The following GORASP1 variants were observed in gnomAD, a reference collection of about 807,000 sequenced individuals.
The protein encoded by GORASP1 is golgi reassembly stacking protein 1.
Under a neutral mutation model 37.7 loss-of-function variants are expected in GORASP1, and 31 were observed. The observed-to-expected ratio is 0.82, with a 90% CI of 0.62 to 1.11. GORASP1 has a LOEUF of 1.11. Among genes scored for constraint, GORASP1 ranks in the 50% least tolerant of loss-of-function variants. The pLI, the probability that GORASP1 is intolerant of heterozygous loss-of-function variation, is 0.00. For synonymous variants in GORASP1, 204 were observed against 224.8 expected (o/e 0.91, Z 0.83); for missense variants, 476 against 560.7 (o/e 0.85, Z 1.53).
chr3:39,104,850 C>A (rs958041855), intron 1 of GORASP1, among the ~76,000 whole-genome samples: 1 of 152,216 alleles, frequency 6.6e-6, no homozygotes, highest in African/African-American at 2.4e-5. Flanking sequence ...TCCCAGGCCC[C>A]GCTGCAGGGG....
rs199528910 is a variant in GORASP1 at position 39,101,415 on chromosome 3, C to T, written c.349-313G>A. The T allele has an allele frequency of 1.1e-4, 62 of 550,184 alleles. No homozygotes were observed. In the East Asian group the frequency reaches 2.6e-3, roughly 23 times the overall value. The allele number at this position is 550,184 out of a possible 1,614,324, so 34.1% of individuals were successfully genotyped here. A position where few individuals can be genotyped will look rare whatever the true frequency, so the allele number is the denominator to read the frequency against. ...AACACATTATTGAACCTCTCCTAGC[C>T]TCAGTTTCCCCACAATTAAAAGTAA... is the stretch of plus-strand genomic sequence containing the variant. On this transcript the variant is annotated intron_variant, in intron 3 of 8. Coordinates refer to ENST00000319283, the MANE Select transcript of GORASP1 (RefSeq NM_031899.4).
At chr3:39,101,548 T>C in intron 3 of GORASP1, 1 of 457,542 alleles carries the variant, frequency 2.2e-6, no homozygotes, top group Non-Finnish European at 4.4e-6. Flanking sequence ...CTGCTTCTGC[T>C]GCAGGCATGT....
rs2035871704 is a variant in GORASP1 at position 39,103,854 on chromosome 3, C to T, written c.64-301G>A. On this transcript the variant is annotated intron_variant, in intron 1 of 8. Transcript: ENST00000319283. This position sits in a 1 kb window ranked among gnomAD's most constrained non-coding sequence, Gnocchi z 5.2. Reference sequence around the variant, plus strand: ...GAGGCAATATGGAGACAGGCTGGCCCAGGCCTGTGGGAATGCTGCTCTAGA... The same window carrying T: ...GAGGCAATATGGAGACAGGCTGGCCTAGGCCTGTGGGAATGCTGCTCTAGA... The T allele has an allele frequency of 3.2e-6, 1 of 316,276 alleles. No individual in the cohort carries two copies. Among genetic ancestry groups the T allele is most frequent in the Admixed American group, 4.7e-5 (1 of 21,230 alleles). The allele number at this position is 316,276 out of a possible 1,614,324, so 19.6% of individuals were successfully genotyped here. A position where few individuals can be genotyped will look rare whatever the true frequency, so the allele number is the denominator to read the frequency against.
rs895284274 is a variant in GORASP1 at position 39,096,884 on chromosome 3, A to T, written c.*1352T>A. The T allele has an allele frequency of 1.3e-5, 2 of 152,184 alleles. No individual in the cohort carries two copies. Among genetic ancestry groups the T allele is most frequent in the Non-Finnish European group, 2.9e-5 (2 of 68,014 alleles). The allele number at this position is 152,184 out of a possible 1,614,324, so 9.4% of individuals were successfully genotyped here. On this transcript the variant is annotated 3_prime_UTR_variant, in exon 9 of 9. Coordinates refer to ENST00000319283, the MANE Select transcript of GORASP1 (RefSeq NM_031899.4). ...TTTGGGTCAGACTGCCAGGCTACAG[A>T]GTTAAGGGAAGCTGGCCCCAGAACA...
Position 39,099,451 on chromosome 3 carries a change from C to G in GORASP1, c.818G>C (p.Gly273Ala), listed in dbSNP as rs753837944. 3.7e-6 allele frequency: 6 copies of G among 1,611,272 alleles called. No homozygotes were observed. Among genetic ancestry groups the G allele is most frequent in the South Asian group, 2.2e-5 (2 of 90,464 alleles). Residue 273 changes from glycine to alanine, a missense_variant, in exon 7 of 9, where the codon GGG becomes GCG. Gly to Ala is a moderately conservative substitution (Grantham distance 60, BLOSUM62 0). Coordinates refer to ENST00000319283, the MANE Select transcript of GORASP1 (RefSeq NM_031899.4). The part of the protein sequence containing the change: ...SSMEDPLPGP[G>A]SPSHSAPDPD... ...GTCTGGAGCACTGTGGCTGGGACTC[C>G]CAGGCCCAGGAAGGGGATCCTCCAT...
At chr3:39,101,603 C>T (rs753545027) in intron 3 of GORASP1, 193 of 455,796 alleles carry the variant, frequency 4.2e-4, no homozygotes, top group Non-Finnish European at 7.6e-4. Context: ...ATGAGCAAAA[C>T]TGGGTACAAA....
chr3:39,099,152 G>A (rs754854283), intron 7 of GORASP1: 1 of 799,988 alleles, frequency 1.3e-6, no homozygotes, highest in Admixed American at 2.0e-5. Flanking sequence ...CCAATTTGCT[G>A]TGTGACCTGA....
rs1374459633 is a variant in GORASP1, at chr3:39,102,590, G to T, written c.348+88C>A. On this transcript the variant is annotated intron_variant, in intron 3 of 8. Transcript: ENST00000319283. The surrounding 1 kb of genome is among the most constrained non-coding windows in gnomAD (Gnocchi z 5.0). ...CAAGGCTCCCACTCCACTCCTGCATGTACCCCCTCACACCCCGCCCACACC... is the reference window on the plus strand; with the variant it reads ...CAAGGCTCCCACTCCACTCCTGCATTTACCCCCTCACACCCCGCCCACACC... 3.1e-6 allele frequency: 4 copies of T among 1,307,512 alleles called. No homozygotes were observed. In the East Asian group the frequency reaches 9.9e-5, roughly 32 times the overall value. 81.0% of individuals were successfully genotyped at this position (1,307,512 alleles called of 1,614,324 possible).
In GORASP1 at chr3:39,099,485, C is replaced by T. The variant is rs1395860742; in HGVS notation, c.784G>A (p.Gly262Ser). The change falls in exon 7 of 9, where the codon GGC becomes AGC. Residue 262 changes from glycine (G) to serine (S), a missense_variant. Coordinates refer to ENST00000319283, the MANE Select transcript of GORASP1 (RefSeq NM_031899.4). ...GGAAGGGGATCCTCCATGGAGGAGC[C>T]AGGTGCCTGCAGCAGGGCCTAGGAA... ...DYMEALLQAPGSSMEDPLPGP... is the reference protein window; with the variant it reads ...DYMEALLQAPSSSMEDPLPGP... 4.3e-6 allele frequency: 7 copies of T among 1,610,332 alleles called. No individual in the cohort carries two copies. The African/African-American group carries it at 9.4e-5, about 22-fold the overall frequency.
chr3:39,107,187 G>A (rs2036225832), intron 1 of GORASP1: 1 of 534,472 alleles, frequency 1.9e-6, no homozygotes, highest in South Asian at 1.6e-5. Flanking sequence ...CTTCACCCGG[G>A]AGGAGCGCCA....
Position 39,098,290 on chromosome 3 carries a change from A to T in GORASP1, c.1269T>A (p.Thr423=), listed in dbSNP as rs1339864479. Residue 423 remains threonine, a synonymous_variant, in exon 9 of 9, where the codon ACT becomes ACA. Coordinates refer to ENST00000319283, the MANE Select transcript of GORASP1 (RefSeq NM_031899.4). The surrounding 1 kb of genome is among the most constrained non-coding windows in gnomAD (Gnocchi z 4.7). ...TGTCCAGCCCCTCAGCCTCCGTCCCAGTATCTAGGCCCTCTGTGCTTGCTG... is the reference window on the plus strand; with the variant it reads ...TGTCCAGCCCCTCAGCCTCCGTCCCTGTATCTAGGCCCTCTGTGCTTGCTG... The part of the protein sequence containing the change: ...EEPASTEGLD[T]GTEAEGLDSQ... 1 of 1,614,006 alleles carries T rather than the reference A, an allele frequency of 6.2e-7. No individual in the cohort carries two copies. The highest frequency in any genetic ancestry group is 8.5e-7 in the Non-Finnish European group (1 of 1,180,008).
rs945746340 is a variant in GORASP1, at chr3:39,100,880, G to A, written c.436-3C>T. On this transcript the variant is annotated splice_region_variant and splice_polypyrimidine_tract_variant and intron_variant, in intron 4 of 8. Coordinates refer to ENST00000319283, the MANE Select transcript of GORASP1 (RefSeq NM_031899.4). The surrounding 1 kb of genome is among the most constrained non-coding windows in gnomAD (Gnocchi z 4.6). Reference sequence around the variant, plus strand: ...ATGAGCGTAAAGAAGTCCTCGGACTGTGAGAAACGCATAGCACCTGAGGCC... The same window carrying A: ...ATGAGCGTAAAGAAGTCCTCGGACTATGAGAAACGCATAGCACCTGAGGCC... 7 of 1,614,170 alleles carry A rather than the reference G, an allele frequency of 4.3e-6. No homozygotes were observed. The East Asian group carries it at 1.6e-4, about 36-fold the overall frequency.
rs1261827286 is a variant in GORASP1, at chr3:39,097,959, CCCTT to C, written c.*273_*276del. On this transcript the variant is annotated 3_prime_UTR_variant, in exon 9 of 9. Coordinates refer to ENST00000319283, the MANE Select transcript of GORASP1 (RefSeq NM_031899.4). ...GACCAGGCCAACACTGGACAGCAAC[CCCTT>C]CCTTCCTCACCTCATCTTCACACTG... 6.3e-6 allele frequency: 3 copies of C among 472,928 alleles called. No individual in the cohort carries two copies. Among genetic ancestry groups the C allele is most frequent in the Non-Finnish European group, 1.1e-5 (3 of 261,676 alleles). The allele number at this position is 472,928 out of a possible 1,614,324, so 29.3% of individuals were successfully genotyped here.
chr3:39,103,597 C>A lies in GORASP1; in HGVS notation c.64-44G>T. ...CACAGTCACTGCGCCAACCCTGGGA[C>A]TCTCCAAGTAGCCCTCTCCCCCATT... On this transcript the variant is annotated intron_variant, in intron 1 of 8. Transcript: ENST00000319283. The surrounding 1 kb of genome is among the most constrained non-coding windows in gnomAD (Gnocchi z 5.2). 1.3e-6 allele frequency: 2 copies of A among 1,490,780 alleles called. No homozygotes were observed. The highest frequency in any genetic ancestry group is 1.7e-4 in the Middle Eastern group (1 of 5,726). 92.3% of individuals were successfully genotyped at this position (1,490,780 alleles called of 1,614,324 possible).
intron 1 of GORASP1, among the ~76,000 whole-genome samples, chr3:39,106,417 C>T (rs773131050): frequency 5.3e-5 from 8 of 152,152 alleles, no homozygotes; most frequent in Non-Finnish European, 8.8e-5. Context: ...TGGATGCATT[C>T]CACTGTCCAC....
rs914884412 is a variant in GORASP1 at position 39,099,511 on chromosome 3, A to G, written c.766-8T>C. On this transcript the variant is annotated splice_region_variant and splice_polypyrimidine_tract_variant and intron_variant, in intron 6 of 8. Transcript: ENST00000319283. ...AGGTGCCTGCAGCAGGGCCTAGGAA[A>G]GAAGAAGAAATGGGTAGGGGACAAT... is the stretch of plus-strand genomic sequence containing the variant. 5.0e-6 allele frequency: 8 copies of G among 1,607,202 alleles called. No homozygotes were observed. The highest frequency in any genetic ancestry group is 2.7e-5 in the African/African-American group (2 of 74,864).
In GORASP1 at chr3:39,098,805, G is replaced by T. The variant is rs758228204; in HGVS notation, c.1005C>A (p.Thr335=). The T allele has an allele frequency of 9.3e-6, 15 of 1,614,062 alleles. No homozygotes were observed. The African/African-American group carries it at 2.0e-4, about 22-fold the overall frequency. The change falls in exon 8 of 9, where the codon ACC becomes ACA. Residue 335 remains threonine (T), a synonymous_variant. Transcript: ENST00000319283. This position sits in a 1 kb window ranked among gnomAD's most constrained non-coding sequence, Gnocchi z 4.7. The part of the protein sequence containing the change: ...PSLPSSTELT[T]TAVSTSGPED... ...CTGGCCCTGAGGTTGAGACAGCTGT[G>T]GTGGTCAGTTCTGTGGAAGAGGGCA...
At chr3:39,104,676 A>C (rs746179981) in intron 1 of GORASP1, among the ~76,000 whole-genome samples, 26 of 152,220 alleles carry the variant, frequency 1.7e-4, no homozygotes, top group Non-Finnish European at 2.8e-4. Context: ...CAAACCGCTG[A>C]GATCAAGGCC....
Position 39,102,621 on chromosome 3 carries a change from C to G in GORASP1, c.348+57G>C. 6.3e-7 allele frequency: 1 copy of G among 1,580,852 alleles called. No homozygotes were observed. The highest frequency in any genetic ancestry group is 1.1e-5 in the South Asian group (1 of 89,820). The stretch of plus-strand genomic sequence containing the variant: ...CCTCACACCCCGCCCACACCCAGAC[C>G]TGCCCCAGTAAACTCATCCTTCCGA... On this transcript the variant is annotated intron_variant, in intron 3 of 8. Coordinates refer to ENST00000319283, the MANE Select transcript of GORASP1 (RefSeq NM_031899.4). This position sits in a 1 kb window ranked among gnomAD's most constrained non-coding sequence, Gnocchi z 5.0.
Sources: allele counts gnomAD v4.1 joint callset (sites outside exome capture counted in the v4.1 genomes callset), GRCh38; gene constraint gnomAD v4.1.1; non-coding constraint Gnocchi (gnomAD v3.1); transcripts MANE v1.5; gene names NCBI Gene and HGNC (gene_info 2026-07-23, HGNC 2026-07-21).